The following WAPL variants were observed in gnomAD, a reference collection of about 807,000 sequenced individuals.
WAPL encodes the protein wings apart-like protein homolog.
Under a neutral mutation model 121.0 loss-of-function variants are expected in WAPL, and 5 were observed. That is an observed-to-expected ratio of 0.04 (90% confidence interval 0.02 to 0.09). WAPL has a LOEUF of 0.09. Ranked by LOEUF, WAPL falls within the 10% of genes least tolerant of loss-of-function variation. The pLI is 1.00. For missense variants in WAPL, 999 were observed against 1,410.8 expected, an observed-to-expected ratio of 0.71 and a Z score of 4.68; for synonymous variants, 480 against 481.5, an observed-to-expected ratio of 1.00 and a Z score of 0.04.
chr10:86,519,786 C>A (rs1030463166), intron 1 of WAPL, among the ~76,000 whole-genome samples: 1 of 152,128 alleles, frequency 6.6e-6, no homozygotes, highest in East Asian at 1.9e-4. Context: ...ACATACACAC[C>A]AACAAAGATG....
intron 4 of WAPL, among the ~76,000 whole-genome samples, chr10:86,482,134 G>C (rs543247300): frequency 5.3e-4 from 81 of 152,300 alleles, no homozygotes; most frequent in Non-Finnish European, 9.3e-4. Context: ...ACTTATTGTA[G>C]TGGAATGGGC....
At chr10:86,454,458 G>T (rs1028914661) in intron 12 of WAPL, among the ~76,000 whole-genome samples, 1 of 152,086 alleles carries the variant, frequency 6.6e-6, no homozygotes, top group African/African-American at 2.4e-5. Context: ...CCGCCATCTC[G>T]GCTCACTGCA....
intron 12 of WAPL, among the ~76,000 whole-genome samples, chr10:86,455,524 C>T (rs561544613): frequency 6.6e-6 from 1 of 151,596 alleles, no homozygotes; most frequent in Non-Finnish European, 1.5e-5. Context: ...ATCTCAAGTA[C>T]CCAGGGACAC....
At chr10:86,468,165 G>GTA (rs923219706) in intron 8 of WAPL, among the ~76,000 whole-genome samples, 9 of 151,794 alleles carry the variant, frequency 5.9e-5, no homozygotes, top group African/African-American at 1.5e-4. Flanking sequence ...GTGTGTGTGA[G>GTA]TATATATATA....
intron 15 of WAPL, among the ~76,000 whole-genome samples, chr10:86,449,243 A>G (rs1476968159): frequency 6.6e-6 from 1 of 152,234 alleles, no homozygotes; most frequent in Non-Finnish European, 1.5e-5. Context: ...TCAGTAGCAT[A>G]AACGATATAA....
At chr10:86,481,145 A>G (rs532392120) in intron 4 of WAPL, among the ~76,000 whole-genome samples, 2 of 152,346 alleles carry the variant, frequency 1.3e-5, no homozygotes, top group South Asian at 4.1e-4. Flanking sequence ...AACTATGCAC[A>G]TACAACGTTA....
At chr10:86,515,765 C>A (rs560988528) in intron 2 of WAPL, among the ~76,000 whole-genome samples, 10 of 150,988 alleles carry the variant, frequency 6.6e-5, no homozygotes, top group Non-Finnish European at 1.2e-4. Flanking sequence ...CTGGGCAACA[C>A]AGCGAGACTG....
intron 9 of WAPL, among the ~76,000 whole-genome samples, chr10:86,461,979 C>G (rs1164485615): frequency 6.6e-6 from 1 of 152,164 alleles, no homozygotes; most frequent in East Asian, 1.9e-4. Flanking sequence ...GGCTTAGCAG[C>G]TCAGATATTC....
rs1243260198 is a variant in WAPL at position 86,500,117 on chromosome 10, T to C, written c.1126A>G (p.Thr376Ala). The C allele has an allele frequency of 1.2e-6, 2 of 1,614,110 alleles. No homozygotes were observed. Among genetic ancestry groups the C allele is most frequent in the African/African-American group, 2.7e-5 (2 of 74,940 alleles). ...LSVCNVTIQD[T>A]MERSMDEFTA... ...AACTCATCCATGCTGCGTTCCATAG[T>C]ATCCTGTATGGTAACATTACAAACT... Residue 376 changes from threonine (T) to alanine (A), a missense_variant, in exon 3 of 19, where the codon ACT becomes GCT. Thr to Ala is a moderately conservative substitution (Grantham distance 58). Transcript: ENST00000298767.
At position 86,472,167 on chromosome 10, in the gene WAPL, C is replaced by G. The variant is rs1348727220; in HGVS notation, c.2030+41G>C. 1.3e-6 allele frequency: 2 copies of G among 1,502,354 alleles called. No homozygotes were observed. Among genetic ancestry groups the G allele is most frequent in the Non-Finnish European group, 1.8e-6 (2 of 1,132,096 alleles). 93.1% of individuals were successfully genotyped at this position (1,502,354 alleles called of 1,614,324 possible). A position where few individuals can be genotyped will look rare whatever the true frequency, so the allele number is the denominator to read the frequency against. ...AACACCTAGTTGAAAAAATTTAATA[C>G]AGCATGCACATAATTGTAAAATATA... is the stretch of plus-strand genomic sequence containing the variant. On this transcript the variant is annotated intron_variant, in intron 7 of 18. Coordinates refer to ENST00000298767, the MANE Select transcript of WAPL (RefSeq NM_015045.5). The surrounding 1 kb of genome is among the most constrained non-coding windows in gnomAD (Gnocchi z 4.2).
At chr10:86,443,407 C>T in intron 16 of WAPL, 44 bp from the exon 17 acceptor site, 3 of 1,551,036 alleles carry the variant, frequency 1.9e-6, no homozygotes, top group Non-Finnish European at 2.7e-6. Flanking sequence ...TATTAATTAA[C>T]ACAAACCTCA....
chr10:86,486,650 G>A (rs528907127), intron 4 of WAPL, among the ~76,000 whole-genome samples: 1 of 152,268 alleles, frequency 6.6e-6, no homozygotes, highest in Admixed American at 6.5e-5. Flanking sequence ...TAAACCACAG[G>A]GGAATGATGA....
intron 2 of WAPL, among the ~76,000 whole-genome samples, chr10:86,507,365 C>CAAA (rs34752630): frequency 0.061 from 4,597 of 74,942 alleles, 335 homozygotes; most frequent in African/African-American, 0.11. Context: ...GACTCTGTCT[C>CAAA]AAAAAAAAAA....
chr10:86,517,084 C>T (rs1302766506), intron 2 of WAPL, among the ~76,000 whole-genome samples: 1 of 152,102 alleles, frequency 6.6e-6, no homozygotes, highest in Admixed American at 6.6e-5. Flanking sequence ...TTGATACTGG[C>T]CCCAAACTAA....
chr10:86,440,189 A>G lies in WAPL; in HGVS notation c.3412-2174T>C, dbSNP rs112971717. On this transcript the variant is annotated intron_variant, in intron 17 of 18. Transcript: ENST00000298767. ...CATATGTGGTAATAACACAATTTCAAGAACGATTATGTAAGAAAGAACGTG... is the reference window on the plus strand; with the variant it reads ...CATATGTGGTAATAACACAATTTCAGGAACGATTATGTAAGAAAGAACGTG... Among the ~76,000 whole-genome samples, 1,063 of 152,356 alleles carry G rather than the reference A, an allele frequency of 7.0e-3. 14 individuals are homozygous for G. Among genetic ancestry groups the G allele is most frequent in the African/African-American group, 0.024 (1,013 of 41,580 alleles).
chr10:86,483,281 G>A (rs1421005139), intron 4 of WAPL, among the ~76,000 whole-genome samples: 1 of 152,086 alleles, frequency 6.6e-6, no homozygotes, highest in Non-Finnish European at 1.5e-5. Context: ...TTGGCTGGGC[G>A]TGGAGGTGCA....
rs376510436 is a variant in WAPL, at chr10:86,521,158, AAGTC to A, written c.-23+203_-23+206del. On this transcript the variant is annotated intron_variant, in intron 1 of 18. Transcript: ENST00000298767. Reference sequence around the variant, plus strand: ...CACACTTGACTGGGTTTGGGGAGCTAAGTCAATCAGCAGTCGCCCGAAAAAGAAC... The same window carrying A: ...CACACTTGACTGGGTTTGGGGAGCTAAATCAGCAGTCGCCCGAAAAAGAAC... Among the ~76,000 whole-genome samples, 229 of 152,352 alleles carry A rather than the reference AAGTC, an allele frequency of 1.5e-3. 2 individuals carry two copies. Among genetic ancestry groups the A allele is most frequent in the African/African-American group, 5.4e-3 (223 of 41,590 alleles).
At chr10:86,495,497 T>C (rs1842132134) in intron 4 of WAPL, among the ~76,000 whole-genome samples, 2 of 150,024 alleles carry the variant, frequency 1.3e-5, no homozygotes, top group Non-Finnish European at 3.0e-5. Context: ...AAGTTGGCCC[T>C]AACCTTACAC....
intron 4 of WAPL, among the ~76,000 whole-genome samples, chr10:86,492,844 T>C (rs1842076758): frequency 6.6e-6 from 1 of 151,868 alleles, no homozygotes; most frequent in Non-Finnish European, 1.5e-5. Flanking sequence ...ATCACGAGGG[T>C]CAGGAGATAG....
Sources: allele counts gnomAD v4.1 joint callset (sites outside exome capture counted in the v4.1 genomes callset), GRCh38; gene constraint gnomAD v4.1.1; non-coding constraint Gnocchi (gnomAD v3.1); transcripts MANE v1.5; gene names NCBI Gene and HGNC (gene_info 2026-07-23, HGNC 2026-07-21).